The following TEKT5 variants were observed in gnomAD, a reference collection of about 807,000 sequenced individuals.
The protein encoded by TEKT5 is tektin-5.
In TEKT5, 52 loss-of-function variants were observed where a neutral mutation model predicts 48.7. The ratio of observed to expected loss-of-function variants is 1.07; its 90% CI spans 0.86 to 1.35. TEKT5 has a LOEUF of 1.35. TEKT5 is among the 40% of genes most tolerant of loss of function. The pLI, the probability that TEKT5 is intolerant of heterozygous loss-of-function variation, is 0.00. For missense variants in TEKT5, 831 were observed against 641.6 expected (o/e 1.30, Z -3.19); for synonymous variants, 318 against 267.6 (o/e 1.19, Z -1.84).
At chr16:10,654,012 G>T (rs1005706528) in intron 5 of TEKT5, among the ~76,000 whole-genome samples, 2 of 139,720 alleles carry the variant, frequency 1.4e-5, no homozygotes, top group Admixed American at 6.8e-5. Flanking sequence ...GTGTGTGTGT[G>T]TGCATGTGTG....
At chr16:10,671,638 T>C (rs1284920030) in intron 5 of TEKT5, 1 of 152,242 alleles carries the variant, frequency 6.6e-6, no homozygotes, top group Admixed American at 6.5e-5. Context: ...TTGTCTGTTC[T>C]AATGCTGCTG....
At chr16:10,638,286 T>C (rs563142352) in intron 5 of TEKT5, among the ~76,000 whole-genome samples, 1 of 152,336 alleles carries the variant, frequency 6.6e-6, no homozygotes, top group East Asian at 1.9e-4. Context: ...ACACTGGCAC[T>C]AAACGATGTC....
chr16:10,660,836 G>A (rs1321507454), intron 5 of TEKT5, among the ~76,000 whole-genome samples: 1 of 152,048 alleles, frequency 6.6e-6, no homozygotes, highest in East Asian at 1.9e-4. Context: ...GGGTAGCTGG[G>A]ATTACAGGCC....
chr16:10,645,470 C>T (rs1898056104), intron 5 of TEKT5, among the ~76,000 whole-genome samples: 1 of 152,106 alleles, frequency 6.6e-6, no homozygotes, highest in East Asian at 1.9e-4. Context: ...CGTGATGCAC[C>T]ACTGCACTCC....
At chr16:10,689,231 T>TAAAA in intron 3 of TEKT5, 22 bp downstream of exon 3, 1 of 1,383,716 alleles carries the variant, frequency 7.2e-7, no homozygotes, top group Non-Finnish European at 9.9e-7. Context: ...GAGAGGGAAT[T>TAAAA]AAAAAAAAAA....
At chr16:10,628,112 C>T (rs761354821) in intron 6 of TEKT5, among the ~76,000 whole-genome samples, 3 of 152,152 alleles carry the variant, frequency 2.0e-5, no homozygotes, top group Non-Finnish European at 2.9e-5. Flanking sequence ...TCCCAAAGTG[C>T]CGGGATTACA....
chr16:10,690,474 C>G (rs776251192), intron 1 of TEKT5: 37 of 761,396 alleles, frequency 4.9e-5, no homozygotes, highest in Non-Finnish European at 5.6e-5. Flanking sequence ...ACTGCTTAAC[C>G]TCTCTGCTGG....
chr16:10,686,899 A>G (rs1898870352), intron 3 of TEKT5, among the ~76,000 whole-genome samples: 1 of 152,242 alleles, frequency 6.6e-6, no homozygotes. Flanking sequence ...AATACTACTC[A>G]GCCTTAAAAA....
At chr16:10,679,338 T>A (rs1898703999) in intron 4 of TEKT5, among the ~76,000 whole-genome samples, 1 of 151,726 alleles carries the variant, frequency 6.6e-6, no homozygotes, top group South Asian at 2.1e-4. Context: ...GTGCCTGCAG[T>A]CCCAGCTACT....
chr16:10,658,430 A>G (rs77697422), intron 5 of TEKT5, among the ~76,000 whole-genome samples: 2 of 152,206 alleles, frequency 1.3e-5, no homozygotes, highest in East Asian at 3.8e-4. Flanking sequence ...TCTAACACAC[A>G]CATACCAATA....
intron 5 of TEKT5, among the ~76,000 whole-genome samples, chr16:10,655,140 C>A (rs993573407): frequency 6.6e-6 from 1 of 152,126 alleles, no homozygotes; most frequent in Non-Finnish European, 1.5e-5. Flanking sequence ...TTGAGGACTA[C>A]ATTTATCCTT....
intron 3 of TEKT5, among the ~76,000 whole-genome samples, chr16:10,684,791 C>T (rs1175292857): frequency 1.3e-5 from 2 of 152,212 alleles, no homozygotes; most frequent in African/African-American, 4.8e-5. Context: ...CAATGCCAAG[C>T]TCACCCTGCT....
At chr16:10,690,977 C>T (rs1223757495) in intron 1 of TEKT5, among the ~76,000 whole-genome samples, 2 of 152,166 alleles carry the variant, frequency 1.3e-5, no homozygotes, top group South Asian at 4.1e-4. Flanking sequence ...GGGGATAGCA[C>T]AACGAACCAG....
At chr16:10,680,972 C>A (rs1898736334) in intron 4 of TEKT5, among the ~76,000 whole-genome samples, 1 of 147,986 alleles carries the variant, frequency 6.8e-6, no homozygotes, top group African/African-American at 2.5e-5. Flanking sequence ...AACTAACCTG[C>A]ACATTGTGCA....
At chr16:10,678,169 G>A (rs1898681732) in intron 4 of TEKT5, among the ~76,000 whole-genome samples, 1 of 152,168 alleles carries the variant, frequency 6.6e-6, no homozygotes, top group Admixed American at 6.6e-5. Context: ...CGGGATCTCG[G>A]CTCACTGCAA....
chr16:10,655,110 T>A (rs964135622), intron 5 of TEKT5, among the ~76,000 whole-genome samples: 2 of 152,092 alleles, frequency 1.3e-5, no homozygotes, highest in Non-Finnish European at 2.9e-5. Context: ...GAGAAAAAAC[T>A]GCCTTTCCTA....
In TEKT5 at chr16:10,659,042, G is replaced by A. The variant is rs377233600; in HGVS notation, c.1086+16917C>T. 9.2e-5 allele frequency among the ~76,000 whole-genome samples: 14 copies of A among 152,222 alleles called. No individual in the cohort carries two copies. The East Asian group carries it at 9.6e-4, about 10-fold the overall frequency. ...CTGGGACCAGATCATTCTGTGTGTG[G>A]TATCTGTCCTGTGCATTGAAGGATG... On this transcript the variant is annotated intron_variant, in intron 5 of 6. Transcript: ENST00000283025.
At chr16:10,630,931 G>GGA (rs1200199049) in intron 6 of TEKT5, among the ~76,000 whole-genome samples, 1 of 151,902 alleles carries the variant, frequency 6.6e-6, no homozygotes, top group Non-Finnish European at 1.5e-5. Context: ...GGCTGACCCA[G>GGA]GAGGCAGAGG....
intron 6 of TEKT5, among the ~76,000 whole-genome samples, chr16:10,632,481 A>C (rs1163044771): frequency 6.6e-6 from 1 of 151,980 alleles, no homozygotes; most frequent in Non-Finnish European, 1.5e-5. Context: ...TTTTTTGTAG[A>C]GATGGGGTCT....
Sources: gnomAD v4.1 joint callset for allele counts (sites outside exome capture counted in the v4.1 genomes callset) on GRCh38, gnomAD v4.1.1 for gene constraint, MANE v1.5 for transcripts, NCBI Gene and HGNC (gene_info 2026-07-23, HGNC 2026-07-21) for gene names.